PAPPA2: variants seen among roughly 807,000 people sequenced by gnomAD.
PAPPA2 encodes the protein pappalysin 2.
Under a neutral mutation model 176.4 loss-of-function variants are expected in PAPPA2, and 86 were observed. The ratio of observed to expected loss-of-function variants is 0.49; its 90% confidence interval spans 0.41 to 0.58. PAPPA2 has a LOEUF of 0.58. Among genes scored for constraint, PAPPA2 ranks in the 20% least tolerant of loss-of-function variants. PAPPA2 has a pLI of 0.00. For synonymous variants in PAPPA2, 809 were observed against 852.2 expected (o/e 0.95, Z 0.88); for missense variants, 2,073 against 2,256.9 (o/e 0.92, Z 1.65).
intron 3 of PAPPA2, among the ~76,000 whole-genome samples, chr1:176,666,604 T>TGA (rs1296541564): frequency 3.1e-3 from 372 of 119,854 alleles, no homozygotes; most frequent in African/African-American, 7.3e-3. Flanking sequence ...TGTGTGTGTG[T>TGA]GTGTGAGAGA....
chr1:176,678,557 G>A (rs61822994), intron 4 of PAPPA2, among the ~76,000 whole-genome samples: 9,931 of 150,986 alleles, frequency 0.066, 355 homozygotes, highest in South Asian at 0.14. Flanking sequence ...TAAGAAGCCT[G>A]TTTTTCTTTT....
chr1:176,542,733 G>A (rs1225018705), intron 1 of PAPPA2, among the ~76,000 whole-genome samples: 1 of 152,194 alleles, frequency 6.6e-6, no homozygotes, highest in African/African-American at 2.4e-5. Flanking sequence ...TGCTATGGCT[G>A]AGATCTGTGG....
At chr1:176,633,919 C>T (rs982059013) in intron 3 of PAPPA2, among the ~76,000 whole-genome samples, 2 of 152,060 alleles carry the variant, frequency 1.3e-5, no homozygotes, top group Non-Finnish European at 2.9e-5. Context: ...GTTAGAATGG[C>T]GATCATTAAA....
chr1:176,690,328 A>G lies in PAPPA2; in HGVS notation c.2329A>G (p.Thr777Ala), dbSNP rs1182672494. ...TGDLCADTAP[T>A]PKSELCREPE... ...AGACCTCTGTGCCGACACCGCCCCC[A>G]CTCCCAAGAGTGAGCTGTGCCGGGA... The change falls in exon 5 of 23, where the codon ACT becomes GCT. Residue 777 changes from threonine (T) to alanine (A), a missense_variant. Thr to Ala is a moderately conservative substitution (Grantham distance 58). Around this residue, in one of 4 missense-constraint regions of PAPPA2, gnomAD observed 1,196 missense variants for 1,330.4 expected, o/e 0.90. Coordinates refer to ENST00000367662, the MANE Select transcript of PAPPA2 (RefSeq NM_020318.3). The G allele has an allele frequency of 3.7e-6, 6 of 1,613,656 alleles. No individual in the cohort carries two copies. The highest frequency in any genetic ancestry group is 5.1e-6 in the Non-Finnish European group (6 of 1,179,926).
At chr1:176,656,247 T>C (rs1658024090) in intron 3 of PAPPA2, among the ~76,000 whole-genome samples, 1 of 151,836 alleles carries the variant, frequency 6.6e-6, no homozygotes, top group South Asian at 2.1e-4. Flanking sequence ...ATTGCTTCCC[T>C]CTCCTAGGTT....
At chr1:176,616,595 A>G (rs1204077476) in intron 3 of PAPPA2, 6 of 1,562,344 alleles carry the variant, frequency 3.8e-6, no homozygotes, top group Non-Finnish European at 5.3e-6. Flanking sequence ...GCCAATTGAG[A>G]ACATGGATAC....
intron 3 of PAPPA2, among the ~76,000 whole-genome samples, chr1:176,603,779 A>G (rs1204756903): frequency 6.6e-6 from 1 of 152,102 alleles, no homozygotes; most frequent in Non-Finnish European, 1.5e-5. Flanking sequence ...GATTATTGCA[A>G]TAGTCTTTTA....
At chr1:176,507,308 G>A (rs1230005596) in intron 1 of PAPPA2, among the ~76,000 whole-genome samples, 1 of 152,074 alleles carries the variant, frequency 6.6e-6, no homozygotes, top group Non-Finnish European at 1.5e-5. Flanking sequence ...TAGGGCTGTG[G>A]ACAAAAGGGA....
Position 176,634,841 on chromosome 1 carries a change from GATAGATACATAGATAC to G in PAPPA2, c.1992-36113_1992-36098del, listed in dbSNP as rs757081116. On this transcript the variant is annotated intron_variant, in intron 3 of 22. Coordinates refer to ENST00000367662, the MANE Select transcript of PAPPA2 (RefSeq NM_020318.3). ...AGATAGATAGATAGATAGATAGATA[GATAGATACATAGATAC>G]ATAGATACATAGATAGATACATAGA... is the stretch of plus-strand genomic sequence containing the variant. 1.0e-4 allele frequency among the ~76,000 whole-genome samples: 12 copies of G among 116,002 alleles called. No homozygotes were observed. The South Asian group carries it at 2.9e-3, about 28-fold the overall frequency. The allele number at this position is 116,002 out of a possible 152,430, so 76.1% of individuals were successfully genotyped here.
At chr1:176,564,802 C>T (rs930426352) in intron 2 of PAPPA2, among the ~76,000 whole-genome samples, 5 of 147,840 alleles carry the variant, frequency 3.4e-5, no homozygotes, top group African/African-American at 1.0e-4. Context: ...GTACAAATAA[C>T]GTCTTTAGTA....
At chr1:176,699,718 T>G (rs1660560174) in intron 8 of PAPPA2, 129 bp downstream of exon 8, 2 of 1,412,574 alleles carry the variant, frequency 1.4e-6, no homozygotes, top group Non-Finnish European at 1.9e-6. Flanking sequence ...GAGGGGATTT[T>G]ACCGTAAAGT....
intron 21 of PAPPA2, among the ~76,000 whole-genome samples, chr1:176,818,375 G>A (rs1311834057): frequency 6.6e-6 from 1 of 152,148 alleles, no homozygotes; most frequent in Non-Finnish European, 1.5e-5. Context: ...GTAGCAGATG[G>A]AATTCAAGAA....
intron 2 of PAPPA2, among the ~76,000 whole-genome samples, chr1:176,583,224 A>T (rs1419844993): frequency 6.6e-6 from 1 of 150,468 alleles, no homozygotes; most frequent in Non-Finnish European, 1.5e-5. Flanking sequence ...TCTTTTGTTT[A>T]TTTTTCCTTT....
At chr1:176,772,302 G>C (rs959344807) in intron 17 of PAPPA2, among the ~76,000 whole-genome samples, 2 of 152,286 alleles carry the variant, frequency 1.3e-5, no homozygotes, top group African/African-American at 4.8e-5. Flanking sequence ...TTAGTTGAAA[G>C]CCTGTTGATA....
At chr1:176,518,206 A>G (rs1315326745) in intron 1 of PAPPA2, among the ~76,000 whole-genome samples, 2 of 152,202 alleles carry the variant, frequency 1.3e-5, no homozygotes, top group African/African-American at 2.4e-5. Context: ...TCTCTGACTC[A>G]CAATCTGGAG....
chr1:176,697,633 A>C (rs1455482769), intron 7 of PAPPA2, among the ~76,000 whole-genome samples: 1 of 152,182 alleles, frequency 6.6e-6, no homozygotes, highest in Non-Finnish European at 1.5e-5. Flanking sequence ...TCCCTGCTTA[A>C]ACATCATCTT....
At chr1:176,801,072 A>G (rs1035609448) in intron 21 of PAPPA2, among the ~76,000 whole-genome samples, 5 of 151,006 alleles carry the variant, frequency 3.3e-5, no homozygotes, top group African/African-American at 1.2e-4. Context: ...AAATTCTGTC[A>G]TAGGGGAAGG....
chr1:176,623,605 TCCTTCC>T (rs1655734005), intron 3 of PAPPA2, among the ~76,000 whole-genome samples: 5 of 143,708 alleles, frequency 3.5e-5, no homozygotes, highest in Non-Finnish European at 7.6e-5. Flanking sequence ...CTTCCTTCCT[TCCTTCC>T]TTCCTTCCTT....
At chr1:176,518,452 T>TAA (rs368157026) in intron 1 of PAPPA2, among the ~76,000 whole-genome samples, 8 of 121,730 alleles carry the variant, frequency 6.6e-5, no homozygotes, top group Admixed American at 8.7e-5. Context: ...GCTTGACAGG[T>TAA]AAAAAAAAAA....
Sources: allele counts gnomAD v4.1 joint callset (sites outside exome capture counted in the v4.1 genomes callset), GRCh38; gene constraint gnomAD v4.1.1; regional missense constraint gnomAD v4.1.1; transcripts MANE v1.5; gene names NCBI Gene and HGNC (gene_info 2026-07-23, HGNC 2026-07-21).